MORF4L1: variants seen among roughly 807,000 people sequenced by gnomAD.
MORF4L1 encodes the protein mortality factor 4-like protein 1.
In MORF4L1, 4 loss-of-function variants were observed where a neutral mutation model predicts 52.9. The ratio of observed to expected loss-of-function variants is 0.08; its 90% CI spans 0.04 to 0.17. MORF4L1 has a LOEUF of 0.17. MORF4L1 is among the 10% of genes least tolerant of loss of function. MORF4L1 has a pLI of 1.00. For missense variants in MORF4L1, 214 were observed against 390.4 expected (o/e 0.55, Z 3.81); for synonymous variants, 123 against 134.8 (o/e 0.91, Z 0.61).
intron 8 of MORF4L1, 118 bp from the exon 9 acceptor site, chr15:78,893,421 A>G (rs957616925): frequency 4.0e-5 from 28 of 693,224 alleles, no homozygotes; most frequent in Non-Finnish European, 5.2e-6. Flanking sequence ...GCTGAATAGT[A>G]TCTTTCCTAA....
intron 11 of MORF4L1, 65 bp from the exon 12 acceptor site, chr15:78,896,918 T>C: frequency 1.7e-6 from 2 of 1,211,356 alleles, no homozygotes; most frequent in Non-Finnish European, 2.4e-6. Flanking sequence ...ATATAATATA[T>C]AGGAAGAGAT....
At chr15:78,894,965 TG>T in intron 11 of MORF4L1, 61 bp downstream of exon 11, 1 of 1,306,078 alleles carries the variant, frequency 7.7e-7, no homozygotes, top group Non-Finnish European at 1.1e-6. Context: ...TGGGAGGGAT[TG>T]GCAGTATAGA....
chr15:78,885,401 C>T (rs914563121), intron 3 of MORF4L1, among the ~76,000 whole-genome samples: 1 of 152,144 alleles, frequency 6.6e-6, no homozygotes, highest in Non-Finnish European at 1.5e-5. Flanking sequence ...TTTGAAGTGC[C>T]AGAATGTCTT....
intron 5 of MORF4L1, among the ~76,000 whole-genome samples, chr15:78,890,448 G>A (rs989991605): frequency 4.6e-5 from 7 of 151,384 alleles, no homozygotes; most frequent in African/African-American, 1.7e-4. Context: ...AACCCTGGAA[G>A]AACGAAGTTG....
intron 1 of MORF4L1, among the ~76,000 whole-genome samples, chr15:78,874,129 T>A (rs758677372): frequency 6.7e-5 from 9 of 134,596 alleles, no homozygotes; most frequent in Non-Finnish European, 1.5e-4. Flanking sequence ...GGTGGAGGTC[T>A]AATAGCTAAA....
chr15:78,879,698 G>T (rs9806755), intron 2 of MORF4L1, among the ~76,000 whole-genome samples: 6,583 of 151,908 alleles, frequency 0.043, 474 homozygotes, highest in African/African-American at 0.15. Flanking sequence ...AGGGCTTTGG[G>T]GAGCCAAAGC....
intron 8 of MORF4L1, 79 bp downstream of exon 8, chr15:78,892,392 T>A: frequency 1.1e-6 from 1 of 908,066 alleles, no homozygotes; most frequent in Non-Finnish European, 1.8e-6. Context: ...AGGAAAATGT[T>A]ATATTGACTT....
At chr15:78,891,670 A>G in intron 7 of MORF4L1, 98 bp downstream of exon 7, 2 of 983,200 alleles carry the variant, frequency 2.0e-6, no homozygotes, top group South Asian at 3.3e-5. Context: ...AGATTTGCTT[A>G]CATGGTTAAT....
chr15:78,896,883 G>T (rs891484617), intron 11 of MORF4L1, 100 bp from the exon 12 acceptor site: 3 of 834,182 alleles, frequency 3.6e-6, no homozygotes, highest in Non-Finnish European at 5.8e-6. Flanking sequence ...ATGTATTTTA[G>T]GAAAGTGTTT....
chr15:78,891,347 A>G lies in MORF4L1; in HGVS notation c.350-137A>G, dbSNP rs2141481086. The stretch of plus-strand genomic sequence containing the variant: ...TGAAAGTTGTATTTTTGGTAGGAAT[A>G]TGATTCTTTAACTTAGATTGAGGTA... On this transcript the variant is annotated intron_variant, in intron 6 of 11. Coordinates refer to ENST00000426013, the MANE Select transcript of MORF4L1 (RefSeq NM_006791.4). 4 of 716,254 alleles carry G rather than the reference A, an allele frequency of 5.6e-6. No homozygotes were observed. In the East Asian group the frequency reaches 8.1e-5, roughly 14 times the overall value. 44.4% of individuals were successfully genotyped at this position (716,254 alleles called of 1,614,324 possible).
Position 78,898,126 on chromosome 15 carries a change from G to C in MORF4L1, c.*1059G>C, listed in dbSNP as rs1222274987. 6.6e-6 allele frequency: 1 copy of C among 152,164 alleles called. No individual in the cohort carries two copies. The highest frequency in any genetic ancestry group is 6.6e-5 in the Admixed American group (1 of 15,260). The allele number at this position is 152,164 out of a possible 1,614,324, so 9.4% of individuals were successfully genotyped here. A position where few individuals can be genotyped will look rare whatever the true frequency, so the allele number is the denominator to read the frequency against. Reference sequence around the variant, plus strand: ...AACACAGTATTAAAATAACCCAAAAGTTGTAAAGGGCAACGTTTCTCCCCT... The same window carrying C: ...AACACAGTATTAAAATAACCCAAAACTTGTAAAGGGCAACGTTTCTCCCCT... On this transcript the variant is annotated 3_prime_UTR_variant, in exon 12 of 12. Transcript: ENST00000426013.
intron 5 of MORF4L1, 92 bp from the exon 6 acceptor site, chr15:78,890,897 A>T: frequency 4.2e-6 from 5 of 1,192,398 alleles, no homozygotes; most frequent in Non-Finnish European, 5.5e-6. Flanking sequence ...CCAAGTTAGT[A>T]TTTCTCTGTG....
intron 1 of MORF4L1, chr15:78,876,531 G>A (rs1249037169): frequency 2.2e-6 from 1 of 455,832 alleles, no homozygotes; most frequent in Non-Finnish European, 4.4e-6. Context: ...AGGTCACAGG[G>A]CCTCGGTTTC....
intron 11 of MORF4L1, 52 bp from the exon 12 acceptor site, chr15:78,896,931 G>T: frequency 7.3e-7 from 1 of 1,373,088 alleles, no homozygotes. Flanking sequence ...GAAGAGATTT[G>T]GATCAAGATA....
In MORF4L1 at chr15:78,891,492, A is replaced by G; in HGVS notation, c.358A>G (p.Asn120Asp). 1 of 1,613,964 alleles carries G rather than the reference A, an allele frequency of 6.2e-7. No homozygotes were observed. Among genetic ancestry groups the G allele is most frequent in the Non-Finnish European group, 8.5e-7 (1 of 1,179,874 alleles). ...TKKNKQKTPG[N>D]GDGGSTSETP... Reference sequence around the variant, plus strand: ...CCCGCCAACATTTACAGCACCTGGAAATGGAGATGGTGGCAGTACCAGTGA... The same window carrying G: ...CCCGCCAACATTTACAGCACCTGGAGATGGAGATGGTGGCAGTACCAGTGA... The change falls in exon 7 of 12, where the codon AAT becomes GAT. Residue 120 changes from asparagine (N) to aspartate (D), a missense_variant. Asn to Asp is a conservative substitution (Grantham distance 23). Transcript: ENST00000426013.
At chr15:78,887,800 C>G (rs2056732034) in intron 5 of MORF4L1, among the ~76,000 whole-genome samples, 1 of 152,144 alleles carries the variant, frequency 6.6e-6, no homozygotes, top group Non-Finnish European at 1.5e-5. Flanking sequence ...TTTTTTGAGA[C>G]AGAGTTTCCC....
At chr15:78,891,868 GT>G (rs1458660139) in intron 7 of MORF4L1, among the ~76,000 whole-genome samples, 1 of 152,110 alleles carries the variant, frequency 6.6e-6, no homozygotes, top group Non-Finnish European at 1.5e-5. Flanking sequence ...CTTTAAGATG[GT>G]TGTGTTTGGA....
At chr15:78,884,578 G>T (rs2056661691) in intron 3 of MORF4L1, among the ~76,000 whole-genome samples, 1 of 150,032 alleles carries the variant, frequency 6.7e-6, no homozygotes, top group African/African-American at 2.5e-5. Flanking sequence ...GGCAGAGGTT[G>T]TGGTGAGCCA....
chr15:78,884,692 T>C (rs1330166231), intron 3 of MORF4L1, among the ~76,000 whole-genome samples: 1 of 142,154 alleles, frequency 7.0e-6, no homozygotes, highest in Non-Finnish European at 1.5e-5. Context: ...CACACAAATA[T>C]CTCAAAAATA....
Sources: allele counts gnomAD v4.1 joint callset (sites outside exome capture counted in the v4.1 genomes callset), GRCh38; gene constraint gnomAD v4.1.1; transcripts MANE v1.5; gene names NCBI Gene and HGNC (gene_info 2026-07-23, HGNC 2026-07-21).